The following CCNC variants were observed in gnomAD, a reference collection of about 807,000 sequenced individuals.
The protein encoded by CCNC is cyclin-C.
A neutral mutation model predicts 50.0 loss-of-function variants in CCNC; 19 were observed. That is an observed-to-expected ratio of 0.38 (90% CI 0.27 to 0.56). The LOEUF is 0.56. Among genes scored for constraint, CCNC ranks in the 20% least tolerant of loss-of-function variants. The pLI, the probability that CCNC is intolerant of heterozygous loss-of-function variation, is 0.72. For missense variants in CCNC, 200 were observed against 327.1 expected (o/e 0.61, Z 3.00); for synonymous variants, 93 against 103.7 (o/e 0.90, Z 0.63).
At position 99,562,829 on chromosome 6, in the gene CCNC, TA is replaced by T. The variant is rs1255998017; in HGVS notation, c.139+12del. 2.1e-6 allele frequency: 3 copies of T among 1,460,300 alleles called. No homozygotes were observed. Among genetic ancestry groups the T allele is most frequent in the African/African-American group, 1.4e-5 (1 of 70,828 alleles). 90.5% of individuals were successfully genotyped at this position (1,460,300 alleles called of 1,614,324 possible). A position where few individuals can be genotyped will look rare whatever the true frequency, so the allele number is the denominator to read the frequency against. ...CAACTATACAATTTGAACCAATTTT[TA>T]AAAAAGTTTACCATTTGTAAAAAAT... On this transcript the variant is annotated intron_variant, in intron 2 of 11. Coordinates refer to ENST00000520429, the MANE Select transcript of CCNC (RefSeq NM_005190.4).
At position 99,555,570 on chromosome 6, in the gene CCNC, C is replaced by G. The variant is rs149228227; in HGVS notation, c.346+2927G>C. 5.2e-3 allele frequency among the ~76,000 whole-genome samples: 785 copies of G among 152,140 alleles called. 4 individuals are homozygous for G. The highest frequency in any genetic ancestry group is 0.018 in the African/African-American group (734 of 41,504). ...CTCCCACTTCAGCCTAGTTGAGTAGCTAGGACTACAGGTGTGTGCCACCAT... is the reference window on the plus strand; with the variant it reads ...CTCCCACTTCAGCCTAGTTGAGTAGGTAGGACTACAGGTGTGTGCCACCAT... On this transcript the variant is annotated intron_variant, in intron 5 of 11. Transcript: ENST00000520429.
upstream of CCNC, chr6:99,568,667 AG>A: frequency 2.0e-6 from 3 of 1,516,836 alleles, no homozygotes; most frequent in South Asian, 3.8e-5. Flanking sequence ...CGACGGCGAA[AG>A]GAAGAGGATG....
At chr6:99,568,737 C>G (rs887116129), upstream of CCNC, 41 of 1,400,912 alleles carry the variant, frequency 2.9e-5, no homozygotes, top group East Asian at 1.3e-4. Flanking sequence ...CCGTTCCTAT[C>G]GACAAAAGTT....
chr6:99,555,098 T>C (rs987212825), intron 5 of CCNC, among the ~76,000 whole-genome samples: 1 of 152,246 alleles, frequency 6.6e-6, no homozygotes, highest in African/African-American at 2.4e-5. Context: ...ATGTATAGCA[T>C]TATCAGAATT....
At chr6:99,546,940 T>C (rs1193583651) in intron 9 of CCNC, among the ~76,000 whole-genome samples, 1 of 152,234 alleles carries the variant, frequency 6.6e-6, no homozygotes, top group African/African-American at 2.4e-5. Flanking sequence ...TTTCTTCCTT[T>C]TCATTATTAG....
chr6:99,561,163 A>C lies in CCNC; in HGVS notation c.294+204T>G, dbSNP rs532096027. Among the ~76,000 whole-genome samples the C allele has an allele frequency of 1.6e-4, 25 of 152,318 alleles. 1 individual carries two copies. The South Asian group carries it at 5.2e-3, about 32-fold the overall frequency. ...TGTATTCCAGTTTGTTACAAAGATT[A>C]AGTCAGTTGGTACACAGTAAGTGCT... On this transcript the variant is annotated intron_variant, in intron 4 of 11. Coordinates refer to ENST00000520429, the MANE Select transcript of CCNC (RefSeq NM_005190.4).
chr6:99,552,578 C>T (rs1239876144), intron 5 of CCNC, among the ~76,000 whole-genome samples: 1 of 152,072 alleles, frequency 6.6e-6, no homozygotes, highest in Admixed American at 6.6e-5. Flanking sequence ...ATCAATCCCC[C>T]ATCTCCTTAA....
chr6:99,545,314 T>C, intron 10 of CCNC, 84 bp from the exon 11 acceptor site: 2 of 693,616 alleles, frequency 2.9e-6, no homozygotes, highest in Non-Finnish European at 5.2e-6. Context: ...TACACAACCC[T>C]CAGAAAACAG....
At chr6:99,556,948 A>C (rs1802539583) in intron 5 of CCNC, among the ~76,000 whole-genome samples, 1 of 152,212 alleles carries the variant, frequency 6.6e-6, no homozygotes, top group Non-Finnish European at 1.5e-5. Flanking sequence ...TACTGTCAAT[A>C]GAACAAAGTG....
At chr6:99,553,559 C>G (rs1442951237) in intron 5 of CCNC, among the ~76,000 whole-genome samples, 1 of 152,152 alleles carries the variant, frequency 6.6e-6, no homozygotes, top group African/African-American at 2.4e-5. Context: ...ATCATCTATT[C>G]AATTGATAAC....
chr6:99,548,867 A>G (rs1201429617), intron 9 of CCNC, among the ~76,000 whole-genome samples: 1 of 152,082 alleles, frequency 6.6e-6, no homozygotes, highest in East Asian at 1.9e-4. Flanking sequence ...TGCCCAATAT[A>G]TAACAGGCAT....
intron 1 of CCNC, among the ~76,000 whole-genome samples, chr6:99,564,209 G>A (rs566614403): frequency 5.9e-5 from 9 of 152,214 alleles, no homozygotes; most frequent in South Asian, 4.2e-4. Context: ...TGGATCACCT[G>A]AGGTCAGGAG....
intron 5 of CCNC, among the ~76,000 whole-genome samples, chr6:99,554,656 G>A (rs1248801750): frequency 6.6e-6 from 1 of 152,148 alleles, no homozygotes; most frequent in East Asian, 1.9e-4. Flanking sequence ...CTCATCAATA[G>A]ACGTTTTTGT....
At chr6:99,568,698 G>C, upstream of CCNC, 2 of 1,461,814 alleles carry the variant, frequency 1.4e-6, no homozygotes, top group Non-Finnish European at 9.0e-7. Flanking sequence ...TCTCCTTCAC[G>C]CCGGCCGACA....
chr6:99,561,224 A>C, intron 4 of CCNC, 143 bp downstream of exon 4: 1 of 672,782 alleles, frequency 1.5e-6, no homozygotes, highest in Non-Finnish European at 2.7e-6. Flanking sequence ...AAGGATATGT[A>C]TATATTTCTT....
intron 7 of CCNC, chr6:99,550,634 G>A (rs900796508): frequency 1.4e-5 from 4 of 276,384 alleles, no homozygotes; most frequent in Non-Finnish European, 2.6e-5. Context: ...ATTCCCAACT[G>A]GAGGAGCAGA....
chr6:99,559,171 T>C (rs1308823864), intron 4 of CCNC, among the ~76,000 whole-genome samples: 1 of 150,728 alleles, frequency 6.6e-6, no homozygotes, highest in Admixed American at 6.6e-5. Context: ...AGATAAACCT[T>C]AATTAATCAC....
At position 99,568,593 on chromosome 6, in the gene CCNC, C is replaced by T. The variant is rs1220048485; in HGVS notation, c.-66G>A. 7 of 1,584,220 alleles carry T rather than the reference C, an allele frequency of 4.4e-6. No individual in the cohort carries two copies. The highest frequency in any genetic ancestry group is 3.6e-5 in the Admixed American group (2 of 55,452). The stretch of plus-strand genomic sequence containing the variant: ...AGCGGCCCGCGGAGCGACCATAGAC[C>T]CAGCCCGTCCGGTAACCGCGCTCCT... On this transcript the variant is annotated 5_prime_UTR_variant, in exon 1 of 12. Transcript: ENST00000520429.
At chr6:99,549,819 A>T (rs1802218225) in intron 8 of CCNC, among the ~76,000 whole-genome samples, 1 of 152,184 alleles carries the variant, frequency 6.6e-6, no homozygotes, top group African/African-American at 2.4e-5. Flanking sequence ...AAATCTCATA[A>T]CAAATTATAA....
Sources: allele counts gnomAD v4.1 joint callset (sites outside exome capture counted in the v4.1 genomes callset), GRCh38; gene constraint gnomAD v4.1.1; transcripts MANE v1.5; gene names NCBI Gene and HGNC (gene_info 2026-07-23, HGNC 2026-07-21).